PLEKHN1: variants seen among roughly 807,000 people sequenced by gnomAD.
PLEKHN1 encodes pleckstrin homology domain containing N1.
A neutral mutation model predicts 72.8 loss-of-function variants in PLEKHN1; 68 were observed. The ratio of observed to expected loss-of-function variants is 0.93; its 90% CI spans 0.77 to 1.14. PLEKHN1 has a LOEUF of 1.14. PLEKHN1 is among the 50% of genes most tolerant of loss of function. PLEKHN1 has a pLI of 0.00. For synonymous variants in PLEKHN1, 454 were observed against 371.6 expected (o/e 1.22, Z -2.55); for missense variants, 1,015 against 840.5 (o/e 1.21, Z -2.57).
chr1:973,744 G>A (rs1020750276), intron 13 of PLEKHN1, 89 bp from the exon 14 acceptor site: 2 of 1,564,838 alleles, frequency 1.3e-6, no homozygotes, highest in Admixed American at 1.7e-5. Flanking sequence ...GCTGCCCCAA[G>A]CCTGAGGTCT....
chr1:971,137 G>A lies in PLEKHN1; in HGVS notation c.637G>A (p.Ala213Thr). The change falls in exon 7 of 16, where the codon GCG (alanine) becomes ACG (threonine). Residue 213 changes from alanine (A) to threonine (T), a missense_variant. Transcript: ENST00000379410. The stretch of plus-strand genomic sequence containing the variant: ...GCGCCGTCTAACCCGGCTGCGGACG[G>A]CGTCAGGGCACGAACCCGGCGGCAG... ...PQRRLTRLRT[A>T]SGHEPGGSAV... 1 of 1,601,032 alleles carries A rather than the reference G, an allele frequency of 6.2e-7. No individual in the cohort carries two copies. Among genetic ancestry groups the A allele is most frequent in the Non-Finnish European group, 8.5e-7 (1 of 1,174,786 alleles).
chr1:969,038 C>T (rs572257611), intron 2 of PLEKHN1, among the ~76,000 whole-genome samples: 1 of 152,332 alleles, frequency 6.6e-6, no homozygotes, highest in East Asian at 1.9e-4. Context: ...AGGACACTGA[C>T]ACCGAGGAGA....
Position 971,170 on chromosome 1 carries a change from T to C in PLEKHN1, c.670T>C (p.Cys224Arg), listed in dbSNP as rs867233601. 8 of 1,597,432 alleles carry C rather than the reference T, an allele frequency of 5.0e-6. No homozygotes were observed. The highest frequency in any genetic ancestry group is 1.7e-4 in the Middle Eastern group (1 of 6,044). The change falls in exon 7 of 16, where the codon TGT becomes CGT. Residue 224 changes from cysteine (C) to arginine (R), a missense_variant. Coordinates refer to ENST00000379410, the MANE Select transcript of PLEKHN1 (RefSeq NM_032129.3). ...SGHEPGGSAVCASRVKLQHLP... is the reference protein window; with the variant it reads ...SGHEPGGSAVRASRVKLQHLP... ...GCACGAACCCGGCGGCAGTGCTGTC[T>C]GTGCCTCGAGGGTCAAGCTGCAGCA... is the stretch of plus-strand genomic sequence containing the variant.
In PLEKHN1 at chr1:974,042, C is replaced by G. The variant is rs766069128; in HGVS notation, c.1644C>G (p.Ala548=). Residue 548 remains alanine, a synonymous_variant, in exon 14 of 16, where the codon GCC becomes GCG. Transcript: ENST00000379410. ...ATGGGGGGCCGCAGCCCCCAGACGC[C>G]CCTCAGCTTGTGAGTAGCAGCCCCC... ...AKDGGPQPPD[A]PQLVSSAREG... 4.4e-6 allele frequency: 7 copies of G among 1,584,446 alleles called. No homozygotes were observed. The highest frequency in any genetic ancestry group is 6.0e-6 in the Non-Finnish European group (7 of 1,168,454).
Position 973,621 on chromosome 1 carries a change from A to G in PLEKHN1, c.1415A>G (p.Asp472Gly). 6.2e-7 allele frequency: 1 copy of G among 1,612,946 alleles called. No individual in the cohort carries two copies. The highest frequency in any genetic ancestry group is 8.5e-7 in the Non-Finnish European group (1 of 1,179,948). ...PPATSHRRVT[D>G]VRGLEEFLSA... is the part of the protein sequence containing the mutation. ...GCCACCTCCCACCGCAGGGTCACAG[A>G]TGTCCGGGGCCTGGAGGAGGTCAGG... Residue 472 changes from aspartate to glycine, a missense_variant, in exon 13 of 16, where the codon GAT becomes GGT. Asp to Gly is a moderately conservative substitution (Grantham distance 94). Transcript: ENST00000379410.
chr1:970,789 G>A lies in PLEKHN1; in HGVS notation c.484+31G>A. 1 of 1,612,718 alleles carries A rather than the reference G, an allele frequency of 6.2e-7. No homozygotes were observed. The highest frequency in any genetic ancestry group is 8.5e-7 in the Non-Finnish European group (1 of 1,179,898). ...TGGGATGCTTCCCGGGCCCCCAGAG[G>A]CACTCCTGACCCAGGACTTGGAGAG... On this transcript the variant is annotated intron_variant, in intron 5 of 15. Coordinates refer to ENST00000379410, the MANE Select transcript of PLEKHN1 (RefSeq NM_032129.3). This position sits in a 1 kb window ranked among gnomAD's most constrained non-coding sequence, Gnocchi z 4.2.
At chr1:972,031 G>A (rs747941769) in intron 8 of PLEKHN1, 44 bp from the exon 9 acceptor site, 4 of 1,584,582 alleles carry the variant, frequency 2.5e-6, no homozygotes, top group East Asian at 4.5e-5. Flanking sequence ...CGGGGCCCCG[G>A]GGCTGCCCCT....
rs1330482790 is a variant in PLEKHN1, at chr1:970,524, G to A, written c.334G>A (p.Val112Ile). 3.1e-6 allele frequency: 5 copies of A among 1,612,902 alleles called. No homozygotes were observed. The highest frequency in any genetic ancestry group is 4.2e-6 in the Non-Finnish European group (5 of 1,179,718). Residue 112 changes from valine to isoleucine, a missense_variant, in exon 4 of 16, where the codon GTC becomes ATC. Physicochemically the swap from Val to Ile is conservative, Grantham distance 29. Coordinates refer to ENST00000379410, the MANE Select transcript of PLEKHN1 (RefSeq NM_032129.3). This position sits in a 1 kb window ranked among gnomAD's most constrained non-coding sequence, Gnocchi z 4.2. ...VQLRFQHSQD[V>I]SDCYLELFPA... ...GACGACCCTGCTCCCCGCGCAGGATGTCAGCGACTGCTACCTGGAGCTATT... is the reference window on the plus strand; with the variant it reads ...GACGACCCTGCTCCCCGCGCAGGATATCAGCGACTGCTACCTGGAGCTATT...
chr1:969,484 ATGCATGTGTG>A (rs1472296974), intron 2 of PLEKHN1, among the ~76,000 whole-genome samples: 5 of 151,526 alleles, frequency 3.3e-5, no homozygotes, highest in Non-Finnish European at 5.9e-5. Context: ...GCATGTGTGC[ATGCATGTGTG>A]TGCATGTGTG....
rs760005499 is a variant in PLEKHN1, at chr1:971,016, G to C, written c.612+10G>C. 4 of 1,595,440 alleles carry C rather than the reference G, an allele frequency of 2.5e-6. No individual in the cohort carries two copies. Among genetic ancestry groups the C allele is most frequent in the Admixed American group, 1.7e-5 (1 of 57,898 alleles). On this transcript the variant is annotated intron_variant, in intron 6 of 15. Coordinates refer to ENST00000379410, the MANE Select transcript of PLEKHN1 (RefSeq NM_032129.3). ...CTCGGCACCCCCACAGGTCAGTGCC[G>C]GGGACCCCACCCCCCTCCCCACCCT...
chr1:974,283 C>T (rs767774603), intron 14 of PLEKHN1, 33 bp from the exon 15 acceptor site: 1 of 1,612,872 alleles, frequency 6.2e-7, no homozygotes, highest in Non-Finnish European at 8.5e-7. Context: ...TGGGGCTGTG[C>T]CCGGCTCTCA....
chr1:973,351 C>G, intron 12 of PLEKHN1, 25 bp downstream of exon 12: 1 of 1,555,298 alleles, frequency 6.4e-7, no homozygotes, highest in Non-Finnish European at 8.7e-7. Context: ...CCCACACAGC[C>G]CCTGGCCTGG....
chr1:966,913 G>A (rs1643021653), intron 2 of PLEKHN1, 110 bp downstream of exon 2: 1 of 1,214,204 alleles, frequency 8.2e-7, no homozygotes, highest in African/African-American at 1.5e-5. Context: ...GGGGCGTTCA[G>A]ACCCCGGTAG....
At position 970,849 on chromosome 1, in the gene PLEKHN1, ATG is replaced by A; in HGVS notation, c.485-23_485-22del. The A allele has an allele frequency of 1.2e-6, 2 of 1,612,212 alleles. No homozygotes were observed. The highest frequency in any genetic ancestry group is 1.7e-6 in the Non-Finnish European group (2 of 1,179,894). On this transcript the variant is annotated intron_variant, in intron 5 of 15. Transcript: ENST00000379410. This position sits in a 1 kb window ranked among gnomAD's most constrained non-coding sequence, Gnocchi z 4.2. ...CTGTGGCTGCGGAGCACGTGTGTGT[ATG>A]TGTGTGCCCTCTCTGCCCTGCCCGC...
Position 968,314 on chromosome 1 carries a change from G to A in PLEKHN1, c.183+1511G>A, listed in dbSNP as rs139222343. Reference sequence around the variant, plus strand: ...GGTAGCTCTCGCCAGCTCCTAGAAGGAGGAGGACACCTTCCCACTTGGCCC... The same window carrying A: ...GGTAGCTCTCGCCAGCTCCTAGAAGAAGGAGGACACCTTCCCACTTGGCCC... On this transcript the variant is annotated intron_variant, in intron 2 of 15. Transcript: ENST00000379410. Among the ~76,000 whole-genome samples the A allele has an allele frequency of 2.8e-3, 419 of 151,738 alleles. 3 individuals are homozygous for A. The highest frequency in any genetic ancestry group is 2.2e-3 in the Non-Finnish European group (149 of 68,020).
chr1:970,847 GTA>G lies in PLEKHN1; in HGVS notation c.485-30_485-29del. ...CCCTGTGGCTGCGGAGCACGTGTGT[GTA>G]TGTGTGTGCCCTCTCTGCCCTGCCC... is the stretch of plus-strand genomic sequence containing the variant. On this transcript the variant is annotated intron_variant, in intron 5 of 15. Coordinates refer to ENST00000379410, the MANE Select transcript of PLEKHN1 (RefSeq NM_032129.3). This position sits in a 1 kb window ranked among gnomAD's most constrained non-coding sequence, Gnocchi z 4.2. 5 of 1,612,362 alleles carry G rather than the reference GTA, an allele frequency of 3.1e-6. 1 individual carries two copies. Among genetic ancestry groups the G allele is most frequent in the Non-Finnish European group, 4.2e-6 (5 of 1,179,948 alleles).
chr1:971,149 G>T lies in PLEKHN1; in HGVS notation c.649G>T (p.Glu217Ter). The T allele has an allele frequency of 6.2e-7, 1 of 1,600,388 alleles. No individual in the cohort carries two copies. The highest frequency in any genetic ancestry group is 8.5e-7 in the Non-Finnish European group (1 of 1,174,528). ...CCGGCTGCGGACGGCGTCAGGGCAC[G>T]AACCCGGCGGCAGTGCTGTCTGTGC... is the stretch of plus-strand genomic sequence containing the variant. ...LTRLRTASGH[E>*]PGGSAVCASR... The change falls in exon 7 of 16, where the codon GAA becomes TAA. Residue 217 changes from glutamate to a stop codon, truncating the protein, a stop_gained. Coordinates refer to ENST00000379410, the MANE Select transcript of PLEKHN1 (RefSeq NM_032129.3). LOFTEE classifies it high-confidence loss of function.
At position 973,324 on chromosome 1, in the gene PLEKHN1, C is replaced by G; in HGVS notation, c.1291C>G (p.Gln431Glu). 2 of 1,546,560 alleles carry G rather than the reference C, an allele frequency of 1.3e-6. No individual in the cohort carries two copies. The highest frequency in any genetic ancestry group is 1.8e-6 in the Non-Finnish European group (2 of 1,141,788). Residue 431 changes from glutamine (Q) to glutamate (E), a missense_variant and splice_region_variant, in exon 12 of 16, where the codon CAG (glutamine) becomes GAG (glutamate). Coordinates refer to ENST00000379410, the MANE Select transcript of PLEKHN1 (RefSeq NM_032129.3). ...PVTPLHLDLT[Q>E]LHRLSLESSP... ...CACCCCACTGCACCTGGACCTGACCCAGGTGGGCCCAGCACACCCACACAG... is the reference window on the plus strand; with the variant it reads ...CACCCCACTGCACCTGGACCTGACCGAGGTGGGCCCAGCACACCCACACAG...
chr1:973,498 A>C lies in PLEKHN1; in HGVS notation c.1294-2A>C, dbSNP rs1347549731. On this transcript the variant is annotated splice_acceptor_variant, in intron 12 of 15. Transcript: ENST00000379410. LOFTEE classifies it high-confidence loss of function. ...CCCATTTCTCCCACCTCTGCCCTGC[A>C]GCTGCACAGGCTGAGCCTGGAGAGC... is the stretch of plus-strand genomic sequence containing the variant. 8.1e-6 allele frequency: 13 copies of C among 1,612,548 alleles called. No homozygotes were observed. Among genetic ancestry groups the C allele is most frequent in the Non-Finnish European group, 1.1e-5 (13 of 1,179,896 alleles).
Sources: gnomAD v4.1 joint callset for allele counts (sites outside exome capture counted in the v4.1 genomes callset) on GRCh38, gnomAD v4.1.1 for gene constraint, Gnocchi (gnomAD v3.1) non-coding constraint, MANE v1.5 for transcripts, NCBI Gene and HGNC (gene_info 2026-07-23, HGNC 2026-07-21) for gene names.